Variants in MAP7D3 observed in about 807,000 individuals in gnomAD.
The protein encoded by MAP7D3 is MAP7 domain-containing protein 3.
A neutral mutation model predicts 62.2 loss-of-function variants in MAP7D3; 45 were observed. The observed-to-expected ratio is 0.72, with a 90% CI of 0.57 to 0.93. MAP7D3 has a LOEUF of 0.93. MAP7D3 is among the 40% of genes least tolerant of loss of function. The probability of loss-of-function intolerance (pLI) is 0.00; values close to 1 mark genes in which losing one functional copy is unlikely to be tolerated. For synonymous variants in MAP7D3, 288 were observed against 248.8 expected (o/e 1.16, Z -1.48); for missense variants, 711 against 683.1 (o/e 1.04, Z -0.45).
intron 9 of MAP7D3, 82 bp downstream of exon 9, chrX:136,230,757 T>A: frequency 9.6e-7 from 1 of 1,038,786 alleles, no homozygotes; most frequent in Non-Finnish European, 1.3e-6. Flanking sequence ...ATGCATACTA[T>A]ATTATTTCAC....
downstream of MAP7D3, chrX:136,214,917 G>C (rs918689802): frequency 4.5e-5 from 5 of 111,980 alleles, no homozygotes; most frequent in Non-Finnish European, 9.4e-5. Context: ...GGAACATCCT[G>C]GTAGACAGTT....
At position 136,225,954 on chromosome X, in the gene MAP7D3, C is replaced by G. The variant is rs760163016; in HGVS notation, c.2094G>C (p.Glu698Asp). The G allele has an allele frequency of 1.7e-6, 2 of 1,203,410 alleles. No individual in the cohort carries two copies. The highest frequency in any genetic ancestry group is 3.5e-5 in the African/African-American group (2 of 56,903). The change falls in exon 13 of 19, where the codon GAG (glutamate) becomes GAC (aspartate). Residue 698 changes from glutamate (E) to aspartate (D), a missense_variant. Glu to Asp is a conservative substitution (Grantham distance 45). Transcript: ENST00000316077. ...CTTGTAAATTTTGTAACATAATTCT[C>G]TCGTGTTCTTTCTTGCGTTTGTCAG... Reference protein sequence around the residue: ...EEADKRKKEHERIMLQNLQER... With the variant: ...EEADKRKKEHDRIMLQNLQER...
At chrX:136,247,454 A>G (rs1242198417) in intron 1 of MAP7D3, among the ~76,000 whole-genome samples, 1 of 111,720 alleles carries the variant, frequency 9.0e-6, no homozygotes. Flanking sequence ...TGGGCAGTTA[A>G]AGTAACTGAG....
At chrX:136,225,755 G>C (rs1269453305) in intron 13 of MAP7D3, among the ~76,000 whole-genome samples, 154 bp downstream of exon 13, 1 of 112,075 alleles carries the variant, frequency 8.9e-6, no homozygotes, top group South Asian at 3.7e-4. Flanking sequence ...CTATGTAGGA[G>C]AAGTCAGATC....
At chrX:136,235,748 CA>C (rs1178525591) in intron 7 of MAP7D3, among the ~76,000 whole-genome samples, 10 of 99,968 alleles carry the variant, frequency 1.0e-4, no homozygotes, top group African/African-American at 1.1e-4. Flanking sequence ...GACTCTATTT[CA>C]AAAAAAAAAG....
intron 1 of MAP7D3, among the ~76,000 whole-genome samples, chrX:136,248,905 T>C (rs1049685296): frequency 4.5e-5 from 5 of 112,232 alleles, no homozygotes; most frequent in African/African-American, 1.6e-4. Flanking sequence ...AACTTTATTT[T>C]GAAATATTAA....
chrX:136,251,428 G>A (rs2074510552), upstream of MAP7D3: 7 of 931,440 alleles, frequency 7.5e-6, no homozygotes, highest in Non-Finnish European at 9.3e-6. Context: ...GCCTCCGCTT[G>A]GGTCGTGGCC....
At chrX:136,250,121 A>T (rs1434469918) in intron 1 of MAP7D3, among the ~76,000 whole-genome samples, 1 of 111,826 alleles carries the variant, frequency 8.9e-6, no homozygotes, top group Non-Finnish European at 1.9e-5. Flanking sequence ...ATAAGTATAG[A>T]CACGGAAGGA....
chrX:136,247,088 C>A (rs967519953), intron 1 of MAP7D3, among the ~76,000 whole-genome samples: 2 of 112,145 alleles, frequency 1.8e-5, no homozygotes, highest in Non-Finnish European at 3.8e-5. Flanking sequence ...AGATGTCAAG[C>A]AAACAAATAT....
At chrX:136,219,263 G>T in intron 18 of MAP7D3, 135 bp downstream of exon 18, 1 of 426,247 alleles carries the variant, frequency 2.3e-6, no homozygotes. Flanking sequence ...CATCATTCCT[G>T]CAGACCCACA....
chrX:136,247,101 A>G (rs978900547), intron 1 of MAP7D3, among the ~76,000 whole-genome samples: 12 of 112,604 alleles, frequency 1.1e-4, no homozygotes, highest in African/African-American at 3.9e-4. Context: ...ACAAATATAA[A>G]TTATACAAGG....
chrX:136,229,428 G>A (rs1166694971), intron 10 of MAP7D3, among the ~76,000 whole-genome samples: 9 of 111,400 alleles, frequency 8.1e-5, no homozygotes, highest in Non-Finnish European at 1.5e-4. Context: ...AATTCACTGT[G>A]GAATTCCGTA....
downstream of MAP7D3, among the ~76,000 whole-genome samples, chrX:136,216,359 TAAAAAA>T (rs58245551): frequency 1.2e-4 from 3 of 25,504 alleles, no homozygotes; most frequent in Non-Finnish European, 1.8e-4. Flanking sequence ...ACCCTATCTC[TAAAAAA>T]AAAAAAAAAA....
Position 136,230,586 on chromosome X carries a change from T to C in MAP7D3, c.1549A>G (p.Ile517Val), listed in dbSNP as rs1308681293. 1 of 1,171,008 alleles carries C rather than the reference T, an allele frequency of 8.5e-7. No individual in the cohort carries two copies. Among genetic ancestry groups the C allele is most frequent in the South Asian group, 1.8e-5 (1 of 54,252 alleles). ...GGTGATGGAGGGCAGTTCTTTTGGATTTGCCTGCTGAGAAAAAGTAATACA... is the reference window on the plus strand; with the variant it reads ...GGTGATGGAGGGCAGTTCTTTTGGACTTGCCTGCTGAGAAAAAGTAATACA... The part of the protein sequence containing the change: ...LPSPISTNRQ[I>V]QKNCPPSPLP... The change falls in exon 10 of 19, where the codon ATC (isoleucine) becomes GTC (valine). Residue 517 changes from isoleucine to valine, a missense_variant. Transcript: ENST00000316077.
chrX:136,219,434 T>C lies in MAP7D3; in HGVS notation c.2627A>G (p.Gln876Arg). 8.4e-7 allele frequency: 1 copy of C among 1,195,825 alleles called. No homozygotes were observed. The highest frequency in any genetic ancestry group is 1.1e-6 in the Non-Finnish European group (1 of 883,093). The change falls in exon 18 of 19, where the codon CAA becomes CGA. Residue 876 changes from glutamine to arginine, a missense_variant. Gln to Arg is a conservative substitution (Grantham distance 43). Coordinates refer to ENST00000316077, the MANE Select transcript of MAP7D3 (RefSeq NM_024597.4). ...GAAACAGGTTTGCTTCTTCTCTTAT[T>C]GTCTAAAGGTGTCTGAGGACTTTGG... ...ILPKSSDTFR[Q>R]
At chrX:136,215,287 G>A (rs1603275568), downstream of MAP7D3, among the ~76,000 whole-genome samples, 1 of 112,020 alleles carries the variant, frequency 8.9e-6, no homozygotes, top group East Asian at 2.8e-4. Flanking sequence ...ATCTTCATCT[G>A]TATTTACTGT....
At chrX:136,240,622 C>T (rs1026838946) in intron 5 of MAP7D3, 136 bp from the exon 6 acceptor site, 10 of 437,618 alleles carry the variant, frequency 2.3e-5, no homozygotes, top group South Asian at 1.3e-4. Flanking sequence ...TATCACTGCC[C>T]GTCAATCCTT....
At position 136,246,144 on chromosome X, in the gene MAP7D3, G is replaced by C. The variant is rs752303761; in HGVS notation, c.174C>G (p.Ile58Met). ...SNIRSTFKPV[I>M]DGSMLKNDIK... The stretch of plus-strand genomic sequence containing the variant: ...TGTCATTTTTAAGCATGGATCCATC[G>C]ATTACTAAAAAAAAAAGAATATAGT... The change falls in exon 3 of 19, where the codon ATC becomes ATG. Residue 58 changes from isoleucine to methionine, a missense_variant. Coordinates refer to ENST00000316077, the MANE Select transcript of MAP7D3 (RefSeq NM_024597.4). 1 of 1,177,746 alleles carries C rather than the reference G, an allele frequency of 8.5e-7. No homozygotes were observed. The highest frequency in any genetic ancestry group is 1.8e-5 in the South Asian group (1 of 54,080).
rs372609944 is a variant in MAP7D3 at position 136,240,477 on chromosome X, C to T, written c.545G>A (p.Arg182Gln). The part of the protein sequence containing the change: ...ANSESKTANK[R>Q]SASTEKLEQG... The stretch of plus-strand genomic sequence containing the variant: ...TTCAAGTTTTTCAGTAGATGCAGAT[C>T]GTTTATTGGCTGAGAAAAGACATAA... Residue 182 changes from arginine to glutamine, a missense_variant, in exon 6 of 19, where the codon CGA (arginine) becomes CAA (glutamine). Physicochemically the swap from Arg to Gln is conservative, Grantham distance 43. Coordinates refer to ENST00000316077, the MANE Select transcript of MAP7D3 (RefSeq NM_024597.4). 1.6e-4 allele frequency: 181 copies of T among 1,146,392 alleles called. 1 individual carries two copies. Among genetic ancestry groups the T allele is most frequent in the South Asian group, 2.7e-4 (15 of 54,936 alleles). The allele number at this position is 1,146,392 out of a possible 1,213,427, so 94.5% of individuals were successfully genotyped here.
Sources: gnomAD v4.1 joint callset for allele counts (sites outside exome capture counted in the v4.1 genomes callset) on GRCh38, gnomAD v4.1.1 for gene constraint, MANE v1.5 for transcripts, NCBI Gene and HGNC (gene_info 2026-07-23, HGNC 2026-07-21) for gene names.